HID1: variants seen among roughly 807,000 people sequenced by gnomAD.
HID1 encodes protein HID1.
In HID1, 42 loss-of-function variants were observed where a neutral mutation model predicts 89.7. The ratio of observed to expected loss-of-function variants is 0.47; its 90% CI spans 0.37 to 0.61. The LOEUF is 0.61. Ranked by LOEUF, HID1 falls within the 20% of genes least tolerant of loss-of-function variation. The probability of loss-of-function intolerance (pLI) is 0.00; values close to 1 mark genes in which losing one functional copy is unlikely to be tolerated. For synonymous variants in HID1, 442 were observed against 433.8 expected, an observed-to-expected ratio of 1.02 and a Z score of -0.24; for missense variants, 854 against 1,039.3, an observed-to-expected ratio of 0.82 and a Z score of 2.45.
chr17:74,970,038 T>C (rs896412459), intron 1 of HID1, among the ~76,000 whole-genome samples: 6 of 146,232 alleles, frequency 4.1e-5, no homozygotes, highest in African/African-American at 1.5e-4. Flanking sequence ...TGCCTCAGCC[T>C]CCCGAGTAGC....
chr17:74,961,875 G>C lies in HID1; in HGVS notation c.726C>G (p.Asn242Lys). 1 of 1,563,758 alleles carries C rather than the reference G, an allele frequency of 6.4e-7. No homozygotes were observed. Among genetic ancestry groups the C allele is most frequent in the Non-Finnish European group, 8.7e-7 (1 of 1,152,902 alleles). ...CAGAAAGGCCAAGGGCCCTTCACCTGTTCTCCGTGGAACAAAAGAACTGAA... is the reference window on the plus strand; with the variant it reads ...CAGAAAGGCCAAGGGCCCTTCACCTCTTCTCCGTGGAACAAAAGAACTGAA... ...PWVQFFCSTE[N>K]RHALPLFTSL... Residue 242 changes from asparagine to lysine, a missense_variant and splice_region_variant, in exon 6 of 19, where the codon AAC (asparagine) becomes AAG (lysine). Coordinates refer to ENST00000425042, the MANE Select transcript of HID1 (RefSeq NM_030630.3).
intron 15 of HID1, 112 bp downstream of exon 15, chr17:74,953,433 T>G: frequency 2.5e-6 from 2 of 796,076 alleles, no homozygotes; most frequent in Non-Finnish European, 4.1e-6. Context: ...ACTGGGTAAC[T>G]GCCCCTCTGC....
intron 16 of HID1, 98 bp downstream of exon 16, chr17:74,952,908 G>C: frequency 1.1e-6 from 1 of 909,622 alleles, no homozygotes; most frequent in Non-Finnish European, 1.6e-6. Context: ...CATCTTCACT[G>C]AGCTTCCCTG....
intron 12 of HID1, 66 bp from the exon 13 acceptor site, chr17:74,956,022 G>A (rs941523436): frequency 4.3e-5 from 66 of 1,520,966 alleles, no homozygotes; most frequent in East Asian, 9.0e-5. Context: ...ATCCTGGGCC[G>A]GGGTGGAACA....
intron 2 of HID1, chr17:74,964,123 C>T (rs2039527127): frequency 2.3e-5 from 14 of 606,124 alleles, no homozygotes; most frequent in South Asian, 1.4e-4. Flanking sequence ...CAGCTTGGAG[C>T]ATCAGGACAG....
At position 74,953,560 on chromosome 17, in the gene HID1, G is replaced by A. The variant is rs771462337; in HGVS notation, c.1956C>T (p.Gly652=). ...EPEPQQSLED[G]SPAKGEPSQA... The stretch of plus-strand genomic sequence containing the variant: ...CGTCACCCACCCCCTTAGCCGGGCT[G>A]CCATCCTCCAAGCTCTGCTGGGGCT... Residue 652 remains glycine (G), a synonymous_variant, in exon 15 of 19, where the codon GGC becomes GGT. Coordinates refer to ENST00000425042, the MANE Select transcript of HID1 (RefSeq NM_030630.3). The A allele has an allele frequency of 7.4e-6, 12 of 1,613,828 alleles. No homozygotes were observed. Among genetic ancestry groups the A allele is most frequent in the Non-Finnish European group, 9.3e-6 (11 of 1,179,832 alleles).
At chr17:74,968,363 C>G (rs1321716881) in intron 1 of HID1, among the ~76,000 whole-genome samples, 1 of 152,172 alleles carries the variant, frequency 6.6e-6, no homozygotes. Flanking sequence ...ACCCCTTCAG[C>G]CTGGCCACAG....
At chr17:74,952,708 G>GA (rs1246079087) in intron 16 of HID1, among the ~76,000 whole-genome samples, 1 of 152,188 alleles carries the variant, frequency 6.6e-6, no homozygotes, top group Non-Finnish European at 1.5e-5. Context: ...GAGGAAGTCG[G>GA]AAAGAGTGAT....
Position 74,958,779 on chromosome 17 carries a change from G to C in HID1, c.1150-16C>G. The C allele has an allele frequency of 6.2e-7, 1 of 1,611,896 alleles. No individual in the cohort carries two copies. The highest frequency in any genetic ancestry group is 8.5e-7 in the Non-Finnish European group (1 of 1,178,708). Reference sequence around the variant, plus strand: ...AGAGGAATTTCTAGGGGTGCGGGGAGGGGCCAAGTGGGCTGAGTTCAAGGG... The same window carrying C: ...AGAGGAATTTCTAGGGGTGCGGGGACGGGCCAAGTGGGCTGAGTTCAAGGG... On this transcript the variant is annotated splice_polypyrimidine_tract_variant and intron_variant, in intron 9 of 18. Transcript: ENST00000425042. This position sits in a 1 kb window ranked among gnomAD's most constrained non-coding sequence, Gnocchi z 5.2.
chr17:74,962,074 G>A lies in HID1; in HGVS notation c.612-85C>T, dbSNP rs2039489954. The A allele has an allele frequency of 8.4e-7, 1 of 1,194,374 alleles. No individual in the cohort carries two copies. The highest frequency in any genetic ancestry group is 1.2e-6 in the Non-Finnish European group (1 of 859,704). The allele number at this position is 1,194,374 out of a possible 1,614,324, so 74.0% of individuals were successfully genotyped here. Reference sequence around the variant, plus strand: ...CACCCAGCCCAGCGCCCCAGCCCAGGTCCATGGAAGGAAGTTACTCCCGTT... The same window carrying A: ...CACCCAGCCCAGCGCCCCAGCCCAGATCCATGGAAGGAAGTTACTCCCGTT... On this transcript the variant is annotated intron_variant, in intron 5 of 18. Coordinates refer to ENST00000425042, the MANE Select transcript of HID1 (RefSeq NM_030630.3). The surrounding 1 kb of genome is among the most constrained non-coding windows in gnomAD (Gnocchi z 4.3).
chr17:74,962,143 T>C lies in HID1; in HGVS notation c.611+91A>G, dbSNP rs549919383. On this transcript the variant is annotated intron_variant, in intron 5 of 18. Coordinates refer to ENST00000425042, the MANE Select transcript of HID1 (RefSeq NM_030630.3). The surrounding 1 kb of genome is among the most constrained non-coding windows in gnomAD (Gnocchi z 4.3). Reference sequence around the variant, plus strand: ...GTCGGGTCATAGGTGAGGACGGTCTTCTGGGAAGACCCCATGGGCTTTCTG... The same window carrying C: ...GTCGGGTCATAGGTGAGGACGGTCTCCTGGGAAGACCCCATGGGCTTTCTG... 1.7e-4 allele frequency: 211 copies of C among 1,236,052 alleles called. 1 individual carries two copies. Among genetic ancestry groups the C allele is most frequent in the South Asian group, 5.0e-4 (35 of 70,386 alleles). 76.6% of individuals were successfully genotyped at this position (1,236,052 alleles called of 1,614,324 possible). A position where few individuals can be genotyped will look rare whatever the true frequency, so the allele number is the denominator to read the frequency against.
In HID1 at chr17:74,958,421, CG is replaced by C; in HGVS notation, c.1297del (p.Arg433GlyfsTer7). On this transcript the variant is annotated frameshift_variant, in exon 11 of 19. Coordinates refer to ENST00000425042, the MANE Select transcript of HID1 (RefSeq NM_030630.3). LOFTEE classifies it high-confidence loss of function. The surrounding 1 kb of genome is among the most constrained non-coding windows in gnomAD (Gnocchi z 5.2). ...VFILLLLSGE[R>X]NFGVRLNKPY... is the part of the protein sequence containing the mutation. ...TTTGTTCAGCCGCACCCCGAAGTTC[CG>C]CTCCCCGCTCAGAAGCAGCAAGATG... 1 of 1,604,988 alleles carries C rather than the reference CG, an allele frequency of 6.2e-7. No individual in the cohort carries two copies. The highest frequency in any genetic ancestry group is 8.5e-7 in the Non-Finnish European group (1 of 1,175,820).
rs561680403 is a variant in HID1 at position 74,958,827 on chromosome 17, C to G, written c.1150-64G>C. 50 of 1,594,038 alleles carry G rather than the reference C, an allele frequency of 3.1e-5. No individual in the cohort carries two copies. The highest frequency in any genetic ancestry group is 4.2e-5 in the Non-Finnish European group (49 of 1,168,022). The stretch of plus-strand genomic sequence containing the variant: ...GGGAGGGGCAGCTCTGCCCCACCCC[C>G]CTCAGTCTGACACTGTCCCTGCCCC... On this transcript the variant is annotated intron_variant, in intron 9 of 18. Coordinates refer to ENST00000425042, the MANE Select transcript of HID1 (RefSeq NM_030630.3). This position sits in a 1 kb window ranked among gnomAD's most constrained non-coding sequence, Gnocchi z 5.2.
At chr17:74,966,039 C>A (rs982525730) in intron 1 of HID1, among the ~76,000 whole-genome samples, 2 of 151,824 alleles carry the variant, frequency 1.3e-5, no homozygotes, top group Admixed American at 1.3e-4. Flanking sequence ...GTAATCCCAA[C>A]ACTTTGGGAG....
chr17:74,963,917 G>A lies in HID1; in HGVS notation c.217-7C>T, dbSNP rs769922116. On this transcript the variant is annotated splice_polypyrimidine_tract_variant and splice_region_variant and intron_variant, in intron 2 of 18. Coordinates refer to ENST00000425042, the MANE Select transcript of HID1 (RefSeq NM_030630.3). The stretch of plus-strand genomic sequence containing the variant: ...GCACCAGCTTCTCAACGGCCTGTGG[G>A]GGCAGGCAGGAGCAGAGGGCAGGCT... 1.5e-5 allele frequency: 24 copies of A among 1,613,632 alleles called. No individual in the cohort carries two copies. The Middle Eastern group carries it at 4.9e-4, about 33-fold the overall frequency.
At chr17:74,960,322 G>T (rs751571320) in intron 6 of HID1, 74 bp from the exon 7 acceptor site, 2 of 1,315,378 alleles carry the variant, frequency 1.5e-6, no homozygotes, top group Non-Finnish European at 2.1e-6. Context: ...CTCTGGCCAC[G>T]TGGGAAGGTC....
rs763273865 is a variant in HID1, at chr17:74,952,071, G to A, written c.2145-8C>T. Reference sequence around the variant, plus strand: ...GACTCATCCGTCAGGCCCCTGCGGGGAGAGGGGTATCTCCAGCACACTCAC... The same window carrying A: ...GACTCATCCGTCAGGCCCCTGCGGGAAGAGGGGTATCTCCAGCACACTCAC... On this transcript the variant is annotated splice_polypyrimidine_tract_variant and splice_region_variant and intron_variant, in intron 17 of 18. Coordinates refer to ENST00000425042, the MANE Select transcript of HID1 (RefSeq NM_030630.3). The A allele has an allele frequency of 4.5e-6, 7 of 1,555,368 alleles. No homozygotes were observed. The highest frequency in any genetic ancestry group is 3.9e-5 in the Admixed American group (2 of 51,012).
rs1007483147 is a variant in HID1 at position 74,964,078 on chromosome 17, C to T, written c.217-168G>A. 33 of 682,284 alleles carry T rather than the reference C, an allele frequency of 4.8e-5. No homozygotes were observed. In the Middle Eastern group the frequency reaches 2.4e-3, roughly 50 times the overall value. 42.3% of individuals were successfully genotyped at this position (682,284 alleles called of 1,614,324 possible). A position where few individuals can be genotyped will look rare whatever the true frequency, so the allele number is the denominator to read the frequency against. On this transcript the variant is annotated intron_variant, in intron 2 of 18. Coordinates refer to ENST00000425042, the MANE Select transcript of HID1 (RefSeq NM_030630.3). Reference sequence around the variant, plus strand: ...CAGAGGAGCCACCTGGAGTTGGGGTCGGCCAGCCTTGGGGGACTGGGACAC... The same window carrying T: ...CAGAGGAGCCACCTGGAGTTGGGGTTGGCCAGCCTTGGGGGACTGGGACAC...
At chr17:74,953,146 G>A in intron 15 of HID1, 60 bp from the exon 16 acceptor site, 1 of 1,317,012 alleles carries the variant, frequency 7.6e-7, no homozygotes, top group Non-Finnish European at 1.1e-6. Flanking sequence ...GGTGGAGTGG[G>A]GGGCAATGAG....
Sources: gnomAD v4.1 joint callset for allele counts (sites outside exome capture counted in the v4.1 genomes callset) on GRCh38, gnomAD v4.1.1 for gene constraint, Gnocchi (gnomAD v3.1) non-coding constraint, MANE v1.5 for transcripts, NCBI Gene and HGNC (gene_info 2026-07-23, HGNC 2026-07-21) for gene names.